Variants in PDZD8 observed in about 807,000 individuals in gnomAD.
PDZD8 encodes the protein PDZ domain containing 8.
Under a neutral mutation model 85.8 loss-of-function variants are expected in PDZD8, and 14 were observed. That is an observed-to-expected ratio of 0.16 (90% CI 0.11 to 0.26). The LOEUF (loss-of-function observed/expected upper bound fraction) is 0.26. Ranked by LOEUF, PDZD8 falls within the 10% of genes least tolerant of loss-of-function variation. The pLI is 1.00. For synonymous variants in PDZD8, 592 were observed against 568.6 expected (o/e 1.04, Z -0.59); for missense variants, 1,197 against 1,424.3 (o/e 0.84, Z 2.57).
At chr10:117,310,563 T>G (rs576198225) in intron 3 of PDZD8, among the ~76,000 whole-genome samples, 32 of 152,302 alleles carry the variant, frequency 2.1e-4, no homozygotes, top group African/African-American at 7.5e-4. Context: ...CCCTCATTTT[T>G]AATCAAGATG....
rs556905569 is a variant in PDZD8, at chr10:117,368,553, A to AT, written c.872+5802dup. Among the ~76,000 whole-genome samples, 372 of 152,320 alleles carry AT rather than the reference A, an allele frequency of 2.4e-3. 1 individual carries two copies. The highest frequency in any genetic ancestry group is 8.6e-3 in the African/African-American group (358 of 41,572). On this transcript the variant is annotated intron_variant, in intron 1 of 4. Transcript: ENST00000334464. Reference sequence around the variant, plus strand: ...CATATTACACTTGACTTTACAAATGATTTTGTCAGTTTTCTGTGAATTTAC... The same window carrying AT: ...CATATTACACTTGACTTTACAAATGATTTTTGTCAGTTTTCTGTGAATTTAC...
rs781124216 is a variant in PDZD8, at chr10:117,285,458, T to C, written c.1275A>G (p.Thr425=). The C allele has an allele frequency of 1.0e-5, 16 of 1,583,890 alleles. No homozygotes were observed. Among genetic ancestry groups the C allele is most frequent in the Middle Eastern group, 3.4e-4 (2 of 5,942 alleles). Residue 425 remains threonine (T), a synonymous_variant, in exon 5 of 5, where the codon ACA becomes ACG. Transcript: ENST00000334464. Reference sequence around the variant, plus strand: ...TAAGCTTCAACACTTGCAGTGTTGATGTGATTTTCACACCTGGTTTAAGAT... The same window carrying C: ...TAAGCTTCAACACTTGCAGTGTTGACGTGATTTTCACACCTGGTTTAAGAT... ...RLIAIGGVKI[T]STLQVLKLIK...
chr10:117,345,966 C>T (rs1312501564), intron 1 of PDZD8, among the ~76,000 whole-genome samples: 6 of 152,072 alleles, frequency 3.9e-5, no homozygotes, highest in African/African-American at 1.2e-4. Context: ...TTCAGCCAGG[C>T]GCGGTGGCTC....
rs1844521535 is a variant in PDZD8, at chr10:117,277,826, T to G, written c.*5442A>C. 6.6e-6 allele frequency: 1 copy of G among 152,260 alleles called. No individual in the cohort carries two copies. The highest frequency in any genetic ancestry group is 2.4e-5 in the African/African-American group (1 of 41,474). The allele number at this position is 152,260 out of a possible 1,614,324, so 9.4% of individuals were successfully genotyped here. On this transcript the variant is annotated 3_prime_UTR_variant, in exon 5 of 5. Coordinates refer to ENST00000334464, the MANE Select transcript of PDZD8 (RefSeq NM_173791.5). ...CTCAAGTGTAGAGGACAAGAACTTG[T>G]GTCAGTTATCTTTTGAATCCATAAA...
intron 3 of PDZD8, among the ~76,000 whole-genome samples, chr10:117,296,531 G>C (rs1346695116): frequency 6.6e-6 from 1 of 152,056 alleles, no homozygotes; most frequent in Admixed American, 6.6e-5. Context: ...AAATATAACA[G>C]GGTTGGAGGT....
intron 2 of PDZD8, among the ~76,000 whole-genome samples, chr10:117,323,017 C>T (rs560552076): frequency 6.6e-6 from 1 of 152,162 alleles, no homozygotes; most frequent in Non-Finnish European, 1.5e-5. Flanking sequence ...AGCCTTCTGA[C>T]TACACCTGAC....
intron 2 of PDZD8, among the ~76,000 whole-genome samples, chr10:117,337,864 A>G (rs2133841341): frequency 6.6e-6 from 1 of 152,186 alleles, no homozygotes; most frequent in African/African-American, 2.4e-5. Flanking sequence ...GCTTTCTATA[A>G]CTCAAAAGTC....
At chr10:117,300,108 T>C (rs1167115913) in intron 3 of PDZD8, among the ~76,000 whole-genome samples, 1 of 152,050 alleles carries the variant, frequency 6.6e-6, no homozygotes, top group Non-Finnish European at 1.5e-5. Flanking sequence ...CTCCTCCAGG[T>C]CTCTTTTCAG....
At position 117,323,357 on chromosome 10, in the gene PDZD8, C is replaced by T. The variant is rs552651778; in HGVS notation, c.996-4383G>A. Among the ~76,000 whole-genome samples, 3 of 152,304 alleles carry T rather than the reference C, an allele frequency of 2.0e-5. No homozygotes were observed. In the South Asian group the frequency reaches 6.2e-4, roughly 32 times the overall value. ...AAGGAAAATAAGACTGGCTTCACTA[C>T]TACTGCTCCCCTCTATCCTACTTTG... On this transcript the variant is annotated intron_variant, in intron 2 of 4. Transcript: ENST00000334464.
At chr10:117,355,428 T>TC (rs1276016126) in intron 1 of PDZD8, among the ~76,000 whole-genome samples, 2 of 152,166 alleles carry the variant, frequency 1.3e-5, no homozygotes, top group African/African-American at 4.8e-5. Context: ...TCCTGCAAGA[T>TC]CCCCTCCTCC....
intron 3 of PDZD8, among the ~76,000 whole-genome samples, chr10:117,317,687 T>C (rs1008368449): frequency 5.3e-5 from 8 of 152,222 alleles, no homozygotes; most frequent in African/African-American, 1.4e-4. Flanking sequence ...CATGTAGTTA[T>C]GTATTTCAAA....
chr10:117,283,913 A>G lies in PDZD8; in HGVS notation c.2820T>C (p.Asn940=). The G allele has an allele frequency of 1.2e-6, 2 of 1,614,172 alleles. No individual in the cohort carries two copies. Among genetic ancestry groups the G allele is most frequent in the Non-Finnish European group, 1.7e-6 (2 of 1,180,042 alleles). ...KTTGLTRHII[N]TSSRLLNLRQ... is the part of the protein sequence containing the mutation. ...GCAAATTTAATAAACGAGAACTAGT[A>G]TTGATAATATGCCTTGTCAAACCTG... The change falls in exon 5 of 5, where the codon AAT becomes AAC. Residue 940 remains asparagine, a synonymous_variant. Coordinates refer to ENST00000334464, the MANE Select transcript of PDZD8 (RefSeq NM_173791.5).
At chr10:117,290,864 C>CTTTTTT (rs145614241) in intron 3 of PDZD8, among the ~76,000 whole-genome samples, 7 of 123,568 alleles carry the variant, frequency 5.7e-5, no homozygotes, top group African/African-American at 1.0e-4. Flanking sequence ...ATGGTGTATC[C>CTTTTTT]TTTTTTTTTT....
intron 2 of PDZD8, among the ~76,000 whole-genome samples, chr10:117,336,545 T>G (rs1844518218): frequency 1.3e-5 from 2 of 151,764 alleles, no homozygotes; most frequent in African/African-American, 4.8e-5. Context: ...GAATTGGGGC[T>G]CTTTGGAAAA....
chr10:117,360,344 G>A (rs1247539634), intron 1 of PDZD8, among the ~76,000 whole-genome samples: 4 of 151,374 alleles, frequency 2.6e-5, no homozygotes, highest in Non-Finnish European at 5.9e-5. Flanking sequence ...CACAATGTAA[G>A]GGTCCCTTAC....
At chr10:117,289,808 A>G (rs1844724727) in intron 4 of PDZD8, among the ~76,000 whole-genome samples, 1 of 152,188 alleles carries the variant, frequency 6.6e-6, no homozygotes, top group South Asian at 2.1e-4. Flanking sequence ...AATACTACCA[A>G]TTTTAGGTTC....
At chr10:117,299,866 G>A (rs1021386495) in intron 3 of PDZD8, among the ~76,000 whole-genome samples, 8 of 151,902 alleles carry the variant, frequency 5.3e-5, no homozygotes, top group African/African-American at 9.7e-5. Flanking sequence ...ATCTTTTGGG[G>A]GTTTTATAGA....
chr10:117,358,514 C>G (rs1256981798), intron 1 of PDZD8, among the ~76,000 whole-genome samples: 2 of 152,092 alleles, frequency 1.3e-5, no homozygotes, highest in Non-Finnish European at 2.9e-5. Context: ...TGATTGCTAA[C>G]CCTTAGTCCT....
chr10:117,311,417 G>C (rs1381572040), intron 3 of PDZD8, among the ~76,000 whole-genome samples: 1 of 152,156 alleles, frequency 6.6e-6, no homozygotes, highest in Admixed American at 6.5e-5. Flanking sequence ...GAGGTTGTAT[G>C]AAGGCTCATG....
Sources: allele counts gnomAD v4.1 joint callset (sites outside exome capture counted in the v4.1 genomes callset), GRCh38; gene constraint gnomAD v4.1.1; transcripts MANE v1.5; gene names NCBI Gene and HGNC (gene_info 2026-07-23, HGNC 2026-07-21).